Variants in STPG2 observed in about 807,000 individuals in gnomAD.
STPG2 encodes sperm-tail PG-rich repeat-containing protein 2.
A neutral mutation model predicts 54.2 loss-of-function variants in STPG2; 56 were observed. The ratio of observed to expected loss-of-function variants is 1.03; its 90% CI spans 0.83 to 1.29. The LOEUF (loss-of-function observed/expected upper bound fraction) is 1.29. Ranked by LOEUF, STPG2 falls within the 50% of genes most tolerant of loss-of-function variation. The pLI, the probability that STPG2 is intolerant of heterozygous loss-of-function variation, is 0.00. For missense variants in STPG2, 596 were observed against 544.9 expected (o/e 1.09, Z -0.93); for synonymous variants, 200 against 181.8 (o/e 1.10, Z -0.81).
chr4:97,946,191 T>C (rs1167211457), intron 7 of STPG2, among the ~76,000 whole-genome samples: 1 of 152,210 alleles, frequency 6.6e-6, no homozygotes, highest in African/African-American at 2.4e-5. Flanking sequence ...CATTTGTATA[T>C]CTTCTTTTAA....
chr4:97,869,973 C>A (rs142431418), intron 8 of STPG2, among the ~76,000 whole-genome samples: 21 of 151,594 alleles, frequency 1.4e-4, no homozygotes, highest in African/African-American at 4.8e-4. Context: ...TAAATTACAT[C>A]TTCCTTCATT....
At chr4:97,889,764 T>C (rs1395826527) in intron 8 of STPG2, among the ~76,000 whole-genome samples, 2 of 152,120 alleles carry the variant, frequency 1.3e-5, no homozygotes, top group African/African-American at 2.4e-5. Context: ...ATCTATTGTA[T>C]AACATGGTGA....
chr4:97,831,055 A>C (rs1246073363), intron 9 of STPG2, among the ~76,000 whole-genome samples: 1 of 152,198 alleles, frequency 6.6e-6, no homozygotes, highest in Non-Finnish European at 1.5e-5. Flanking sequence ...TCCACCCCAA[A>C]TCAAAAGAAT....
intron 10 of STPG2, among the ~76,000 whole-genome samples, chr4:97,670,051 T>TA (rs1344938153): frequency 6.6e-6 from 1 of 151,694 alleles, no homozygotes; most frequent in Non-Finnish European, 1.5e-5. Flanking sequence ...TATCCTTTTT[T>TA]AAAAAAATTG....
At chr4:97,567,189 A>G (rs1560664792) in intron 10 of STPG2, among the ~76,000 whole-genome samples, 2 of 145,384 alleles carry the variant, frequency 1.4e-5, no homozygotes, top group Non-Finnish European at 3.1e-5. Flanking sequence ...TCATAGCTGT[A>G]ACACACACAC....
chr4:98,067,350 T>C (rs1274154096), intron 5 of STPG2, among the ~76,000 whole-genome samples: 1 of 152,176 alleles, frequency 6.6e-6, no homozygotes, highest in Non-Finnish European at 1.5e-5. Flanking sequence ...AGCAGAAATA[T>C]GGATATAGTT....
intron 10 of STPG2, among the ~76,000 whole-genome samples, chr4:97,661,535 A>C (rs1432938683): frequency 2.0e-5 from 3 of 152,178 alleles, no homozygotes; most frequent in African/African-American, 7.2e-5. Flanking sequence ...CTAGGATTTC[A>C]AACAATTTGC....
chr4:97,823,544 T>C (rs1046484186), intron 9 of STPG2, among the ~76,000 whole-genome samples: 1 of 152,188 alleles, frequency 6.6e-6, no homozygotes, highest in African/African-American at 2.4e-5. Flanking sequence ...GGAGTAGCCA[T>C]TCTTTATTCC....
intron 9 of STPG2, among the ~76,000 whole-genome samples, chr4:97,807,303 C>T (rs185172303): frequency 3.3e-3 from 503 of 151,754 alleles, no homozygotes; most frequent in Non-Finnish European, 5.3e-3. Flanking sequence ...TTTCCTTCTG[C>T]CTATTTTCTG....
intron 5 of STPG2, among the ~76,000 whole-genome samples, chr4:98,032,333 G>A (rs894937845): frequency 2.6e-5 from 4 of 152,030 alleles, no homozygotes; most frequent in African/African-American, 7.2e-5. Flanking sequence ...ATGAATCAAC[G>A]AGTGGAAAAA....
chr4:98,014,787 C>A (rs1238823656), intron 5 of STPG2, among the ~76,000 whole-genome samples: 1 of 151,992 alleles, frequency 6.6e-6, no homozygotes, highest in Non-Finnish European at 1.5e-5. Flanking sequence ...TCTTGTAAGT[C>A]AGGTATAGTG....
chr4:97,908,457 C>T (rs1284791343), intron 8 of STPG2, among the ~76,000 whole-genome samples: 34 of 150,096 alleles, frequency 2.3e-4, no homozygotes, highest in Non-Finnish European at 1.5e-4. Flanking sequence ...GTCAGTGTGG[C>T]GATTCCTCAG....
intron 4 of STPG2, among the ~76,000 whole-genome samples, chr4:97,486,805 GT>G (rs1448674711): frequency 3.5e-4 from 8 of 22,682 alleles, no homozygotes; most frequent in Non-Finnish European, 5.7e-4. Context: ...AGAAACTGTG[GT>G]GTGTGTGTGT....
intron 9 of STPG2, among the ~76,000 whole-genome samples, chr4:97,762,706 C>CA (rs530968880): frequency 4.6e-4 from 70 of 151,760 alleles, no homozygotes; most frequent in Admixed American, 1.8e-3. Context: ...AAATTAGAAG[C>CA]AAAAAAAGCT....
chr4:97,466,638 T>C (rs2148812085), intron 4 of STPG2, among the ~76,000 whole-genome samples: 1 of 152,240 alleles, frequency 6.6e-6, no homozygotes, highest in South Asian at 2.1e-4. Context: ...GTCTATTACA[T>C]TTTTCTTTTG....
At chr4:97,630,550 A>G (rs1163319347) in intron 10 of STPG2, among the ~76,000 whole-genome samples, 1 of 151,902 alleles carries the variant, frequency 6.6e-6, no homozygotes. Flanking sequence ...ATTTATGTAT[A>G]CATTTAAAAC....
At chr4:97,733,179 A>G (rs1383967208) in intron 9 of STPG2, among the ~76,000 whole-genome samples, 2 of 152,198 alleles carry the variant, frequency 1.3e-5, no homozygotes, top group East Asian at 3.8e-4. Context: ...AAAGATGTGG[A>G]ACCAATGTTA....
At chr4:97,982,629 A>C (rs1033343025) in intron 5 of STPG2, among the ~76,000 whole-genome samples, 1 of 152,154 alleles carries the variant, frequency 6.6e-6, no homozygotes, top group Non-Finnish European at 1.5e-5. Context: ...CCTTCAGTAC[A>C]TAATCTAGTT....
At chr4:97,782,696 T>G (rs1726686387) in intron 9 of STPG2, among the ~76,000 whole-genome samples, 1 of 152,136 alleles carries the variant, frequency 6.6e-6, no homozygotes, top group South Asian at 2.1e-4. Flanking sequence ...AAGCCTCCAG[T>G]AACCAAAACC....
Sources: gnomAD v4.1 joint callset for allele counts (sites outside exome capture counted in the v4.1 genomes callset) on GRCh38, gnomAD v4.1.1 for gene constraint, MANE v1.5 for transcripts, NCBI Gene and HGNC (gene_info 2026-07-23, HGNC 2026-07-21) for gene names.